Variants in RPTOR observed in about 807,000 individuals in gnomAD.
RPTOR encodes the protein regulatory associated protein of MTOR complex 1.
Under a neutral mutation model 169.9 loss-of-function variants are expected in RPTOR, and 21 were observed. The ratio of observed to expected loss-of-function variants is 0.12; its 90% CI spans 0.09 to 0.18. RPTOR has a LOEUF of 0.18. RPTOR is among the 10% of genes least tolerant of loss of function. RPTOR has a pLI of 1.00. For missense variants in RPTOR, 1,133 were observed against 1,855.9 expected (o/e 0.61, Z 7.16); for synonymous variants, 732 against 753.2 (o/e 0.97, Z 0.46).
intron 8 of RPTOR, among the ~76,000 whole-genome samples, chr17:80,822,588 C>T (rs554118556): frequency 1.6e-4 from 25 of 152,350 alleles, no homozygotes; most frequent in African/African-American, 5.8e-4. Flanking sequence ...TCTTCAGAGT[C>T]GTCGGCATTA....
At chr17:80,623,240 T>C (rs932250340) in intron 1 of RPTOR, among the ~76,000 whole-genome samples, 2 of 152,238 alleles carry the variant, frequency 1.3e-5, no homozygotes, top group African/African-American at 4.8e-5. Flanking sequence ...GACAGACTTA[T>C]TATTCTTAGA....
intron 1 of RPTOR, among the ~76,000 whole-genome samples, chr17:80,614,364 A>C (rs2065293348): frequency 6.6e-6 from 1 of 152,224 alleles, no homozygotes; most frequent in African/African-American, 2.4e-5. Context: ...AAAGAAAAAA[A>C]ATCCAAATAT....
intron 3 of RPTOR, among the ~76,000 whole-genome samples, chr17:80,685,008 A>G (rs553928358): frequency 1.6e-4 from 24 of 152,334 alleles, no homozygotes; most frequent in Admixed American, 1.6e-3. Context: ...TGTATCTTCA[A>G]GGTAAATTTA....
rs185133387 is a variant in RPTOR at position 80,913,454 on chromosome 17, T to C, written c.2520+4525T>C. ...TCTTGGTTTAGTTTTGGGGGTGTTG[T>C]TTGTTTGTTTTGTTTTGAGACAGGG... On this transcript the variant is annotated intron_variant, in intron 21 of 33. Transcript: ENST00000306801. 7.4e-4 allele frequency among the ~76,000 whole-genome samples: 113 copies of C among 151,930 alleles called. 1 individual carries two copies. The East Asian group carries it at 0.019, about 25-fold the overall frequency.
intron 3 of RPTOR, among the ~76,000 whole-genome samples, chr17:80,683,175 C>T (rs180761261): frequency 4.4e-4 from 66 of 150,972 alleles, no homozygotes; most frequent in Non-Finnish European, 9.0e-4. Flanking sequence ...GAGCGGACCC[C>T]GGACTACACA....
In RPTOR at chr17:80,929,532, A is replaced by C. The variant is rs566704898; in HGVS notation, c.2919+4052A>C. Among the ~76,000 whole-genome samples the C allele has an allele frequency of 2.0e-3, 304 of 152,380 alleles. 1 individual carries two copies. The highest frequency in any genetic ancestry group is 3.5e-3 in the Non-Finnish European group (236 of 68,036). On this transcript the variant is annotated intron_variant, in intron 24 of 33. Coordinates refer to ENST00000306801, the MANE Select transcript of RPTOR (RefSeq NM_020761.3). ...TTGGGAGGCATCACACGCAGAACCC[A>C]GTTTATTTCACACAGCCCTTAAAGC...
intron 20 of RPTOR, among the ~76,000 whole-genome samples, chr17:80,904,869 T>C (rs2068520888): frequency 6.6e-6 from 1 of 152,218 alleles, no homozygotes; most frequent in Non-Finnish European, 1.5e-5. Context: ...TTTTTACTAG[T>C]ACATAGTTAT....
At chr17:80,964,198 C>T (rs537743465) in intron 33 of RPTOR, 64 bp from the exon 34 acceptor site, 2 of 1,159,192 alleles carry the variant, frequency 1.7e-6, no homozygotes, top group South Asian at 1.2e-5. Context: ...GGCCTGCGCC[C>T]CCCCGCCCCC....
intron 21 of RPTOR, among the ~76,000 whole-genome samples, chr17:80,912,740 G>A (rs537700073): frequency 6.6e-6 from 1 of 152,282 alleles, no homozygotes; most frequent in South Asian, 2.1e-4. Flanking sequence ...AAGCACCTGC[G>A]TCTGCCTTTC....
intron 3 of RPTOR, among the ~76,000 whole-genome samples, chr17:80,686,426 G>A (rs7216337): frequency 0.99 from 148,992 of 151,248 alleles, 73,396 homozygotes; most frequent in East Asian, 1. Context: ...TGAAGTAGAC[G>A]CAACCATTGT....
intron 1 of RPTOR, among the ~76,000 whole-genome samples, chr17:80,607,521 C>T (rs922669003): frequency 3.9e-5 from 6 of 151,906 alleles, no homozygotes; most frequent in African/African-American, 1.5e-4. Context: ...TTATACTCAG[C>T]TATGCCTCCT....
rs144295274 is a variant in RPTOR, at chr17:80,864,860, G to A, written c.1509+6960G>A. ...TGCACTCTTAATTTTTTTTCCTTAC[G>A]AGACAAGGTCTCATTCTGTTGCCCA... On this transcript the variant is annotated intron_variant, in intron 13 of 33. Coordinates refer to ENST00000306801, the MANE Select transcript of RPTOR (RefSeq NM_020761.3). 3.4e-3 allele frequency among the ~76,000 whole-genome samples: 512 copies of A among 151,000 alleles called. 9 individuals are homozygous for A. Among genetic ancestry groups the A allele is most frequent in the Admixed American group, 0.028 (429 of 15,168 alleles).
chr17:80,882,512 C>T (rs965706769), intron 14 of RPTOR, among the ~76,000 whole-genome samples: 2 of 152,166 alleles, frequency 1.3e-5, no homozygotes, highest in African/African-American at 2.4e-5. Context: ...CCTCGGCGTG[C>T]GAGGAAAGCG....
rs778541724 is a variant in RPTOR, at chr17:80,754,059, C to T, written c.704C>T (p.Pro235Leu). The change falls in exon 6 of 34, where the codon CCG becomes CTG. Residue 235 changes from proline to leucine, a missense_variant. This residue lies in a region of RPTOR where 289 missense variants were observed against 585.8 expected (regional missense o/e 0.49). Coordinates refer to ENST00000306801, the MANE Select transcript of RPTOR (RefSeq NM_020761.3). The surrounding 1 kb of genome is among the most constrained non-coding windows in gnomAD (Gnocchi z 4.2). ...CCTCTTGCTCAGATGCCTTTGCCTC[C>T]GTCGATGAAAAACTGCATCCAGCTG... ...NHPLAQMPLP[P>L]SMKNCIQLAA... The T allele has an allele frequency of 9.9e-6, 16 of 1,614,042 alleles. No individual in the cohort carries two copies. The highest frequency in any genetic ancestry group is 1.7e-5 in the Admixed American group (1 of 60,008).
intron 6 of RPTOR, among the ~76,000 whole-genome samples, chr17:80,776,567 G>A (rs775615041): frequency 4.6e-5 from 7 of 151,982 alleles, no homozygotes; most frequent in Non-Finnish European, 8.8e-5. Context: ...CTTGTGATCC[G>A]TCCGCCTCGG....
chr17:80,747,298 C>T (rs947072048), intron 5 of RPTOR, among the ~76,000 whole-genome samples: 2 of 152,202 alleles, frequency 1.3e-5, no homozygotes, highest in Non-Finnish European at 2.9e-5. Flanking sequence ...CGTCCATGCA[C>T]CCAGTAGTGT....
chr17:80,930,376 C>CT, intron 24 of RPTOR, among the ~76,000 whole-genome samples: 1 of 4,584 alleles, frequency 2.2e-4, no homozygotes, highest in Non-Finnish European at 5.2e-4. Flanking sequence ...TCAGCTCATC[C>CT]CCAGCTCAGC....
chr17:80,630,538 G>C (rs1377359532), intron 2 of RPTOR, among the ~76,000 whole-genome samples: 1 of 152,224 alleles, frequency 6.6e-6, no homozygotes, highest in Non-Finnish European at 1.5e-5. Context: ...GAAAACCTCA[G>C]TTTGGCTGTT....
chr17:80,717,653 C>G (rs1427266195), intron 4 of RPTOR, among the ~76,000 whole-genome samples: 1 of 151,922 alleles, frequency 6.6e-6, no homozygotes, highest in Non-Finnish European at 1.5e-5. Flanking sequence ...AAGCCTGCAG[C>G]ATTACAGATG....
Sources: allele counts gnomAD v4.1 joint callset (sites outside exome capture counted in the v4.1 genomes callset), GRCh38; gene constraint gnomAD v4.1.1; regional missense constraint gnomAD v4.1.1; non-coding constraint Gnocchi (gnomAD v3.1); transcripts MANE v1.5; gene names NCBI Gene and HGNC (gene_info 2026-07-23, HGNC 2026-07-21).